PRKAG2: variants seen among roughly 807,000 people sequenced by gnomAD.
PRKAG2 encodes protein kinase AMP-activated non-catalytic subunit gamma 2.
Under a neutral mutation model 69.6 loss-of-function variants are expected in PRKAG2, and 26 were observed. The observed-to-expected ratio is 0.37, with a 90% CI of 0.27 to 0.52. PRKAG2 has a LOEUF of 0.52. Among genes scored for constraint, PRKAG2 ranks in the 20% least tolerant of loss-of-function variants. The probability of loss-of-function intolerance (pLI) is 0.90; values close to 1 mark genes in which losing one functional copy is unlikely to be tolerated. For missense variants in PRKAG2, 557 were observed against 740.0 expected (o/e 0.75, Z 2.87); for synonymous variants, 293 against 285.0 (o/e 1.03, Z -0.28).
At chr7:151,587,207 T>C (rs1330068584) in intron 6 of PRKAG2, among the ~76,000 whole-genome samples, 1 of 152,202 alleles carries the variant, frequency 6.6e-6, no homozygotes, top group African/African-American at 2.4e-5. Flanking sequence ...TTGTTGGCAT[T>C]ATTCAAAATC....
chr7:151,799,299 C>T (rs1414470526), intron 1 of PRKAG2, among the ~76,000 whole-genome samples: 1 of 152,204 alleles, frequency 6.6e-6, no homozygotes, highest in Non-Finnish European at 1.5e-5. Flanking sequence ...ACCAAGGTCC[C>T]TTTTGATCAT....
At chr7:151,605,028 T>C (rs1216296117) in intron 5 of PRKAG2, among the ~76,000 whole-genome samples, 2 of 152,192 alleles carry the variant, frequency 1.3e-5, no homozygotes, top group Non-Finnish European at 2.9e-5. Flanking sequence ...CTTATTTATT[T>C]ATTTTGGAGA....
intron 3 of PRKAG2, among the ~76,000 whole-genome samples, chr7:151,711,320 T>A (rs1795279344): frequency 6.7e-6 from 1 of 148,456 alleles, no homozygotes; most frequent in African/African-American, 2.6e-5. Flanking sequence ...AGGTTTAGAG[T>A]ACTGAGGGTG....
chr7:151,847,904 T>C (rs1033023478), intron 1 of PRKAG2, among the ~76,000 whole-genome samples: 1 of 152,224 alleles, frequency 6.6e-6, no homozygotes, highest in African/African-American at 2.4e-5. Flanking sequence ...CCCAGCTCCA[T>C]TAACTGAGGC....
At chr7:151,609,835 A>C (rs1212800813) in intron 5 of PRKAG2, among the ~76,000 whole-genome samples, 3 of 152,350 alleles carry the variant, frequency 2.0e-5, no homozygotes, top group African/African-American at 4.8e-5. Flanking sequence ...GAAGAAAAGA[A>C]GACCTTCTGA....
intron 14 of PRKAG2, among the ~76,000 whole-genome samples, chr7:151,562,117 T>C (rs1163222605): frequency 7.3e-6 from 1 of 137,446 alleles, no homozygotes; most frequent in Non-Finnish European, 1.6e-5. Context: ...TGGTGGTGCA[T>C]TCCTGTAATC....
intron 1 of PRKAG2, among the ~76,000 whole-genome samples, chr7:151,821,925 A>G (rs2078792764): frequency 6.6e-6 from 1 of 152,164 alleles, no homozygotes. Context: ...ACACATACAC[A>G]CACGCGCACA....
At chr7:151,620,485 G>C (rs545434853) in intron 5 of PRKAG2, among the ~76,000 whole-genome samples, 16 of 146,362 alleles carry the variant, frequency 1.1e-4, no homozygotes, top group African/African-American at 4.0e-4. Context: ...TTTTTGTTTT[G>C]TTTTTTTTTT....
chr7:151,580,999 C>A (rs1408652601), intron 6 of PRKAG2, among the ~76,000 whole-genome samples: 1 of 152,084 alleles, frequency 6.6e-6, no homozygotes, highest in Admixed American at 6.5e-5. Flanking sequence ...GTTATGGACA[C>A]CCCATTTATC....
At chr7:151,822,016 C>T (rs2078795664) in intron 1 of PRKAG2, among the ~76,000 whole-genome samples, 1 of 152,214 alleles carries the variant, frequency 6.6e-6, no homozygotes, top group South Asian at 2.1e-4. Context: ...GGAGGCACCC[C>T]AGTGCGTTCC....
At chr7:151,849,293 C>A (rs1364265867) in intron 1 of PRKAG2, among the ~76,000 whole-genome samples, 1 of 152,232 alleles carries the variant, frequency 6.6e-6, no homozygotes, top group Non-Finnish European at 1.5e-5. Flanking sequence ...ACGGGGCGGT[C>A]TGGCCATGCC....
rs1304693516 is a variant in PRKAG2 at position 151,756,881 on chromosome 7, C to A, written c.466+24271G>T. On this transcript the variant is annotated intron_variant, in intron 3 of 15. Coordinates refer to ENST00000287878, the MANE Select transcript of PRKAG2 (RefSeq NM_016203.4). The surrounding 1 kb of genome is among the most constrained non-coding windows in gnomAD (Gnocchi z 4.9). ...TTTAGTACGGAGAGTAACCCTCTTCCAGGTAGGACCCGGGCTGACAGCTGA... is the reference window on the plus strand; with the variant it reads ...TTTAGTACGGAGAGTAACCCTCTTCAAGGTAGGACCCGGGCTGACAGCTGA... Among the ~76,000 whole-genome samples the A allele has an allele frequency of 6.6e-6, 1 of 152,168 alleles. No individual in the cohort carries two copies. Among genetic ancestry groups the A allele is most frequent in the Non-Finnish European group, 1.5e-5 (1 of 68,016 alleles).
chr7:151,701,878 C>T (rs1837764358), intron 3 of PRKAG2, among the ~76,000 whole-genome samples: 1 of 150,672 alleles, frequency 6.6e-6, no homozygotes, highest in Non-Finnish European at 1.5e-5. Flanking sequence ...TTGCCGAGAA[C>T]TGCCAGAGGC....
chr7:151,812,487 A>G (rs2078471122), intron 1 of PRKAG2, among the ~76,000 whole-genome samples: 1 of 152,270 alleles, frequency 6.6e-6, no homozygotes, highest in Admixed American at 6.5e-5. Flanking sequence ...TAGAAGCCGC[A>G]GTTCCAGGGA....
intron 3 of PRKAG2, among the ~76,000 whole-genome samples, chr7:151,703,843 AAAAC>A: frequency 3.0e-5 from 3 of 100,824 alleles, no homozygotes; most frequent in Non-Finnish European, 4.0e-5. Flanking sequence ...TCTTTACTGG[AAAAC>A]ACACACACAC....
chr7:151,605,407 T>G (rs995423660), intron 5 of PRKAG2, among the ~76,000 whole-genome samples: 2 of 151,962 alleles, frequency 1.3e-5, no homozygotes, highest in Non-Finnish European at 2.9e-5. Flanking sequence ...AAAAATAAAA[T>G]TTATAATAAA....
intron 4 of PRKAG2, among the ~76,000 whole-genome samples, chr7:151,674,761 CT>C (rs5888446): frequency 1.9e-4 from 28 of 148,126 alleles, no homozygotes; most frequent in Non-Finnish European, 1.2e-4. Flanking sequence ...TTCTGTTTTA[CT>C]TTTTTTTTTT....
At position 151,777,538 on chromosome 7, in the gene PRKAG2, C is replaced by T. The variant is rs1324608312; in HGVS notation, c.466+3614G>A. On this transcript the variant is annotated intron_variant, in intron 3 of 15. Coordinates refer to ENST00000287878, the MANE Select transcript of PRKAG2 (RefSeq NM_016203.4). The surrounding 1 kb of genome is among the most constrained non-coding windows in gnomAD (Gnocchi z 4.3). ...AGTACCTCCCCCCTCTCTCTTGCTC[C>T]CTTGCGTGTGAGCTCTGCATACCCC... 6.6e-6 allele frequency among the ~76,000 whole-genome samples: 1 copy of T among 152,170 alleles called. No homozygotes were observed. Among genetic ancestry groups the T allele is most frequent in the East Asian group, 1.9e-4 (1 of 5,184 alleles).
chr7:151,684,041 G>T (rs1188838174), intron 3 of PRKAG2, among the ~76,000 whole-genome samples: 1 of 152,122 alleles, frequency 6.6e-6, no homozygotes, highest in Non-Finnish European at 1.5e-5. Context: ...TCATTCCAGA[G>T]CCCTACCCTC....
Sources: allele counts gnomAD v4.1 joint callset (sites outside exome capture counted in the v4.1 genomes callset), GRCh38; gene constraint gnomAD v4.1.1; non-coding constraint Gnocchi (gnomAD v3.1); transcripts MANE v1.5; gene names NCBI Gene and HGNC (gene_info 2026-07-23, HGNC 2026-07-21).